Variants in WWOX observed in about 807,000 individuals in gnomAD.
WWOX encodes WW domain containing oxidoreductase.
A neutral mutation model predicts 46.2 loss-of-function variants in WWOX; 69 were observed. The ratio of observed to expected loss-of-function variants is 1.49; its 90% confidence interval spans 1.23 to 1.82. The LOEUF is 1.82. Among genes scored for constraint, WWOX ranks in the 40% most tolerant of loss-of-function variants. The pLI, the probability that WWOX is intolerant of heterozygous loss-of-function variation, is 0.00. For missense variants in WWOX, 919 were observed against 542.6 expected (o/e 1.69, Z -6.89); for synonymous variants, 359 against 202.6 (o/e 1.77, Z -6.56).
chr16:78,256,580 G>C (rs1430526255), intron 5 of WWOX, among the ~76,000 whole-genome samples: 1 of 151,810 alleles, frequency 6.6e-6, no homozygotes, highest in Non-Finnish European at 1.5e-5. Flanking sequence ...GGCCAGGAGA[G>C]GGTCATTAGC....
chr16:78,598,433 C>T (rs995771454), intron 8 of WWOX, among the ~76,000 whole-genome samples: 4 of 152,168 alleles, frequency 2.6e-5, no homozygotes, highest in African/African-American at 4.8e-5. Flanking sequence ...TTAACTTCTT[C>T]CTCTTTCCCC....
intron 6 of WWOX, among the ~76,000 whole-genome samples, chr16:78,390,300 A>G (rs2082151433): frequency 6.6e-6 from 1 of 152,228 alleles, no homozygotes; most frequent in South Asian, 2.1e-4. Flanking sequence ...CCACGTCTTA[A>G]CTGGACCATT....
chr16:79,012,313 A>G (rs184070465), intron 8 of WWOX, among the ~76,000 whole-genome samples: 32 of 152,110 alleles, frequency 2.1e-4, no homozygotes, highest in Non-Finnish European at 3.8e-4. Flanking sequence ...ACTCACTGCA[A>G]CCTACACTTC....
chr16:79,126,678 A>G (rs1023119308), intron 8 of WWOX, among the ~76,000 whole-genome samples: 3 of 152,208 alleles, frequency 2.0e-5, no homozygotes, highest in African/African-American at 7.2e-5. Flanking sequence ...ACAGACTAAT[A>G]CAGCAAGGGA....
chr16:78,524,084 C>A (rs551189691), intron 8 of WWOX, among the ~76,000 whole-genome samples: 1 of 152,200 alleles, frequency 6.6e-6, no homozygotes, highest in Non-Finnish European at 1.5e-5. Context: ...AAGTCAACAT[C>A]AAATAACATG....
chr16:79,112,602 C>T (rs769974205), intron 8 of WWOX, among the ~76,000 whole-genome samples: 9 of 152,210 alleles, frequency 5.9e-5, no homozygotes, highest in South Asian at 2.1e-4. Context: ...ATCTTTTCAT[C>T]TCGGTTTTAT....
At chr16:78,366,028 G>C (rs2081528667) in intron 5 of WWOX, among the ~76,000 whole-genome samples, 5 of 152,144 alleles carry the variant, frequency 3.3e-5, no homozygotes, top group South Asian at 4.1e-4. Flanking sequence ...AAGTATCACT[G>C]GTTAATCAGG....
At chr16:78,143,908 T>C (rs938399544) in intron 4 of WWOX, among the ~76,000 whole-genome samples, 4 of 152,284 alleles carry the variant, frequency 2.6e-5, no homozygotes, top group African/African-American at 9.6e-5. Context: ...ATCAGCTTTC[T>C]TTTTCTTAAC....
chr16:78,542,594 G>A (rs1304788649), intron 8 of WWOX, among the ~76,000 whole-genome samples: 1 of 150,836 alleles, frequency 6.6e-6, no homozygotes, highest in East Asian at 2.0e-4. Context: ...ACTTAAGCAG[G>A]TTCCTACCGC....
intron 8 of WWOX, among the ~76,000 whole-genome samples, chr16:78,791,368 C>T (rs1422346016): frequency 6.6e-6 from 1 of 152,136 alleles, no homozygotes; most frequent in Non-Finnish European, 1.5e-5. Context: ...ATTCAGCAGG[C>T]AGGAGCAGCC....
At chr16:79,015,345 G>A (rs561456472) in intron 8 of WWOX, among the ~76,000 whole-genome samples, 71 of 152,294 alleles carry the variant, frequency 4.7e-4, no homozygotes, top group Admixed American at 1.3e-3. Flanking sequence ...ATTTCCAGCC[G>A]TGTGACCTTC....
intron 5 of WWOX, among the ~76,000 whole-genome samples, chr16:78,165,340 G>A (rs1284919956): frequency 6.6e-6 from 1 of 152,208 alleles, no homozygotes; most frequent in East Asian, 1.9e-4. Context: ...CGTTGCCACT[G>A]TCTTTGTAGA....
rs141139468 is a variant in WWOX, at chr16:78,400,481, A to G, written c.605+13533A>G. 1.3e-4 allele frequency among the ~76,000 whole-genome samples: 20 copies of G among 152,280 alleles called. No individual in the cohort carries two copies. The East Asian group carries it at 3.1e-3, about 24-fold the overall frequency. ...CAGGATTCTAATGTAATTGTTCTGC[A>G]TTGTGGATCGATGGATGGATGGATG... is the stretch of plus-strand genomic sequence containing the variant. On this transcript the variant is annotated intron_variant, in intron 6 of 8. Coordinates refer to ENST00000566780, the MANE Select transcript of WWOX (RefSeq NM_016373.4).
At chr16:79,209,923 C>G (rs572548664) in intron 8 of WWOX, among the ~76,000 whole-genome samples, 1 of 152,158 alleles carries the variant, frequency 6.6e-6, no homozygotes, top group Non-Finnish European at 1.5e-5. Context: ...TTGAGCCACA[C>G]AAATCAATGG....
rs531717477 is a variant in WWOX, at chr16:78,403,528, G to A, written c.605+16580G>A. On this transcript the variant is annotated intron_variant, in intron 6 of 8. Coordinates refer to ENST00000566780, the MANE Select transcript of WWOX (RefSeq NM_016373.4). ...GCAATGCTAATGTGTTTTCAGGAAG[G>A]CTCTTTGTTTATTGCCTTTATTTTC... is the stretch of plus-strand genomic sequence containing the variant. 7.9e-5 allele frequency among the ~76,000 whole-genome samples: 12 copies of A among 152,250 alleles called. No individual in the cohort carries two copies. In the East Asian group the frequency reaches 1.7e-3, roughly 22 times the overall value.
At chr16:78,158,966 C>G (rs2151729665) in intron 4 of WWOX, among the ~76,000 whole-genome samples, 1 of 152,226 alleles carries the variant, frequency 6.6e-6, no homozygotes. Context: ...CTACACCATT[C>G]TATTTTTTGC....
At chr16:78,890,398 T>G (rs538473235) in intron 8 of WWOX, 1 of 152,130 alleles carries the variant, frequency 6.6e-6, no homozygotes, top group African/African-American at 2.4e-5. Context: ...TTCTTAATCC[T>G]CATGTTCTTA....
intron 8 of WWOX, among the ~76,000 whole-genome samples, chr16:79,169,487 A>G (rs1176397331): frequency 6.6e-6 from 1 of 152,190 alleles, no homozygotes; most frequent in African/African-American, 2.4e-5. Context: ...CTGGGCCTGT[A>G]AGCCTTTTTT....
intron 8 of WWOX, among the ~76,000 whole-genome samples, chr16:79,022,829 C>G (rs72793702): frequency 3.5e-4 from 54 of 152,308 alleles, no homozygotes; most frequent in African/African-American, 1.2e-3. Context: ...CGAAAGGGCT[C>G]AGCTTCTGCA....
Sources: allele counts gnomAD v4.1 joint callset (sites outside exome capture counted in the v4.1 genomes callset), GRCh38; gene constraint gnomAD v4.1.1; transcripts MANE v1.5; gene names NCBI Gene and HGNC (gene_info 2026-07-23, HGNC 2026-07-21).